RIF1: variants seen among roughly 807,000 people sequenced by gnomAD.
The protein encoded by RIF1 is telomere-associated protein RIF1.
In RIF1, 45 loss-of-function variants were observed where a neutral mutation model predicts 247.1. That is an observed-to-expected ratio of 0.18 (90% CI 0.14 to 0.23). The LOEUF is 0.23. Ranked by LOEUF, RIF1 falls within the 10% of genes least tolerant of loss-of-function variation. The probability of loss-of-function intolerance (pLI) is 1.00; values close to 1 mark genes in which losing one functional copy is unlikely to be tolerated. For synonymous variants in RIF1, 1,087 were observed against 978.8 expected (o/e 1.11, Z -2.06); for missense variants, 2,967 against 2,862.5 (o/e 1.04, Z -0.83).
chr2:151,459,853 T>A, intron 25 of RIF1, 147 bp from the exon 26 acceptor site: 1 of 682,904 alleles, frequency 1.5e-6, no homozygotes, highest in Non-Finnish European at 2.4e-6. Flanking sequence ...GTGGCTTTCC[T>A]TTCTTTGATT....
chr2:151,531,658 G>A, the RIF1 span: 1 of 707,490 alleles, frequency 1.4e-6, no homozygotes, highest in East Asian at 2.7e-5. Flanking sequence ...GTGCATAACA[G>A]GACATCTCGC....
rs775698655 is a variant in RIF1 at position 151,492,175 on chromosome 2, A to G, written c.*416-3054A>G. Reference sequence around the variant, plus strand: ...TTTCCTCTGAATACCTCGGTAGTTAATGTCACTGAAGTCCTGCATGTTCTT... The same window carrying G: ...TTTCCTCTGAATACCTCGGTAGTTAGTGTCACTGAAGTCCTGCATGTTCTT... On this transcript the variant is annotated intron_variant and NMD_transcript_variant, in intron 9 of 13. Coordinates refer to the RIF1 transcript ENST00000454583. 6.2e-7 allele frequency: 1 copy of G among 1,613,872 alleles called. No homozygotes were observed. The highest frequency in any genetic ancestry group is 8.5e-7 in the Non-Finnish European group (1 of 1,179,834).
chr2:151,503,002 T>C (rs2065900634), intron 11 of RIF1: 3 of 644,952 alleles, frequency 4.7e-6, no homozygotes, highest in South Asian at 1.9e-5. Flanking sequence ...AAGTAATATT[T>C]AGTAAGGATA....
At position 151,410,483 on chromosome 2, in the gene RIF1, T is replaced by C. The variant is rs375614816; in HGVS notation, c.60T>C (p.Ser20=). The C allele has an allele frequency of 6.2e-7, 1 of 1,613,992 alleles. No homozygotes were observed. The highest frequency in any genetic ancestry group is 8.5e-7 in the Non-Finnish European group (1 of 1,180,034). ...TGTTGGAGACTTTGGAAGACCCTTC[T>C]GCCTCCCATGGAGGGCAGACTGACG... ...APLLETLEDP[S]ASHGGQTDAY... is the part of the protein sequence containing the mutation. Residue 20 remains serine (S), a synonymous_variant, in exon 2 of 36, where the codon TCT becomes TCC. Transcript: ENST00000444746.
At chr2:151,515,013 G>A in the RIF1 span, 2 of 829,812 alleles carry the variant, frequency 2.4e-6, no homozygotes, top group Non-Finnish European at 3.8e-6. Context: ...AAAAAAAACA[G>A]CATTTTCTAT....
chr2:151,453,697 A>C (rs1694738205), intron 21 of RIF1, among the ~76,000 whole-genome samples: 1 of 152,168 alleles, frequency 6.6e-6, no homozygotes, highest in Non-Finnish European at 1.5e-5. Flanking sequence ...TACCACAGAA[A>C]TAATGCTGTA....
At chr2:151,487,958 A>G (rs978509274) in intron 9 of RIF1, among the ~76,000 whole-genome samples, 2 of 152,040 alleles carry the variant, frequency 1.3e-5, no homozygotes, top group Non-Finnish European at 2.9e-5. Context: ...ATACAATATG[A>G]TATTTGATTC....
At chr2:151,438,865 A>G (rs2152354923) in intron 14 of RIF1, 119 bp downstream of exon 14, 1 of 638,966 alleles carries the variant, frequency 1.6e-6, no homozygotes, top group South Asian at 2.0e-5. Flanking sequence ...TATTTCTTGC[A>G]CTACCGTAGC....
Position 151,427,728 on chromosome 2 carries a change from CTGGCCAGCA to C in RIF1, c.787-1042_787-1034del, listed in dbSNP as rs1413938639. 1.4e-4 allele frequency among the ~76,000 whole-genome samples: 21 copies of C among 150,778 alleles called. 1 individual carries two copies. In the South Asian group the frequency reaches 1.7e-3, roughly 12 times the overall value. On this transcript the variant is annotated intron_variant, in intron 8 of 35. Coordinates refer to ENST00000444746, the MANE Select transcript of RIF1 (RefSeq NM_018151.5). ...TTGAGGTCAGTAGTTAGTCACCAGC[CTGGCCAGCA>C]TGGCCAGCATGGCAAAACCTTGTCT...
At chr2:151,499,515 A>C (rs1201185616) in exon 11 of RIF1, 5 of 639,048 alleles carry the variant, frequency 7.8e-6, no homozygotes, top group Non-Finnish European at 1.4e-5. Flanking sequence ...CAACAAGTCA[A>C]CCTCTCTGTT....
At chr2:151,468,605 G>T (rs371630578) in intron 32 of RIF1, 36 bp from the exon 33 acceptor site, 1 of 1,602,760 alleles carries the variant, frequency 6.2e-7, no homozygotes, top group African/African-American at 1.3e-5. Flanking sequence ...TCAGTCAGTT[G>T]ACCTCTGTGT....
chr2:151,518,087 T>G, the RIF1 span, among the ~76,000 whole-genome samples: 1 of 152,194 alleles, frequency 6.6e-6, no homozygotes, highest in South Asian at 2.1e-4. Flanking sequence ...ACACACTCTT[T>G]ATGCTTCCAG....
At chr2:151,505,384 G>C in intron 12 of RIF1, 1 of 1,071,308 alleles carries the variant, frequency 9.3e-7, no homozygotes, top group South Asian at 1.4e-5. Context: ...AGGCATGGAA[G>C]CTCTTGATAG....
intron 9 of RIF1, chr2:151,493,841 T>C (rs761076471): frequency 1.3e-6 from 2 of 1,577,312 alleles, no homozygotes; most frequent in African/African-American, 1.3e-5. Context: ...TGGGGGTTGC[T>C]TTCCCCAGGT....
rs530681019 is a variant in RIF1, at chr2:151,425,836, T to C, written c.786+2794T>C. 5.9e-5 allele frequency among the ~76,000 whole-genome samples: 9 copies of C among 151,638 alleles called. No individual in the cohort carries two copies. The South Asian group carries it at 1.5e-3, about 25-fold the overall frequency. On this transcript the variant is annotated intron_variant, in intron 8 of 35. Transcript: ENST00000444746. ...CGCGCACTACCATGCTCGGCACATT[T>C]TTTTTTTCTTTTCTGTATTTTTATT...
rs754711510 is a variant in RIF1, at chr2:151,506,239, A to T, written c.*891A>T. The stretch of plus-strand genomic sequence containing the variant: ...CTTTCCGATAGCCGTTCCTGGTGAG[A>T]CATCCTCTTTATATAAAACCTGGGC... On this transcript the variant is annotated 3_prime_UTR_variant and NMD_transcript_variant, in exon 13 of 14. Transcript: ENST00000454583. 1.2e-6 allele frequency: 2 copies of T among 1,613,276 alleles called. No homozygotes were observed. The highest frequency in any genetic ancestry group is 1.7e-6 in the Non-Finnish European group (2 of 1,179,256).
chr2:151,465,637 A>G lies in RIF1; in HGVS notation c.6117A>G (p.Thr2039=). ...CTGAAACTGGCCATGATGGTGAAAC[A>G]GAGAATGAGGGCATAACTACCAAAA... is the stretch of plus-strand genomic sequence containing the variant. The part of the protein sequence containing the change: ...AMAETGHDGE[T]ENEGITTKTS... Residue 2039 remains threonine, a synonymous_variant, in exon 30 of 36, where the codon ACA becomes ACG. Coordinates refer to ENST00000444746, the MANE Select transcript of RIF1 (RefSeq NM_018151.5). 6.2e-7 allele frequency: 1 copy of G among 1,614,154 alleles called. No individual in the cohort carries two copies. The highest frequency in any genetic ancestry group is 8.5e-7 in the Non-Finnish European group (1 of 1,180,016).
rs2152559734 is a variant in RIF1, at chr2:151,477,328, T to C, written c.*2257T>C. ...TTTCTAATGGTTAATAAAACAAATGTCAGATCATAATAACACTCAAATGTG... is the reference window on the plus strand; with the variant it reads ...TTTCTAATGGTTAATAAAACAAATGCCAGATCATAATAACACTCAAATGTG... On this transcript the variant is annotated 3_prime_UTR_variant, in exon 36 of 36. Transcript: ENST00000444746. 1 of 152,356 alleles carries C rather than the reference T, an allele frequency of 6.6e-6. No homozygotes were observed. Among genetic ancestry groups the C allele is most frequent in the African/African-American group, 2.4e-5 (1 of 41,584 alleles). The allele number at this position is 152,356 out of a possible 1,614,324, so 9.4% of individuals were successfully genotyped here.
chr2:151,518,000 C>A, the RIF1 span, among the ~76,000 whole-genome samples: 1 of 152,156 alleles, frequency 6.6e-6, no homozygotes, highest in Non-Finnish European at 1.5e-5. Flanking sequence ...CTATAATCTA[C>A]TGTAGTGTTC....
Sources: gnomAD v4.1 joint callset for allele counts (sites outside exome capture counted in the v4.1 genomes callset) on GRCh38, gnomAD v4.1.1 for gene constraint, MANE v1.5 for transcripts, NCBI Gene and HGNC (gene_info 2026-07-23, HGNC 2026-07-21) for gene names.